Variants in SBSPON observed in about 807,000 individuals in gnomAD.
The protein encoded by SBSPON is somatomedin-B and thrombospondin type-1 domain-containing protein.
SBSPON carries 30 observed loss-of-function variants against 35.8 expected under a neutral mutation model. The ratio of observed to expected loss-of-function variants is 0.84; its 90% confidence interval spans 0.63 to 1.14. The LOEUF (loss-of-function observed/expected upper bound fraction) is 1.14. Ranked by LOEUF, SBSPON falls within the 50% of genes most tolerant of loss-of-function variation. The pLI, the probability that SBSPON is intolerant of heterozygous loss-of-function variation, is 0.00. For missense variants in SBSPON, 364 were observed against 357.7 expected (o/e 1.02, Z -0.14); for synonymous variants, 136 against 135.9 (o/e 1.00, Z 0.00).
intron 1 of SBSPON, among the ~76,000 whole-genome samples, chr8:73,092,254 A>G (rs987395120): frequency 6.6e-6 from 1 of 152,354 alleles, no homozygotes; most frequent in Middle Eastern, 3.4e-3. Flanking sequence ...TTCCAAGAAC[A>G]TACTGTACAC....
intron 4 of SBSPON, among the ~76,000 whole-genome samples, chr8:73,069,201 T>G (rs567739478): frequency 6.6e-6 from 1 of 152,316 alleles, no homozygotes; most frequent in African/African-American, 2.4e-5. Flanking sequence ...CACGAGATTC[T>G]GATTCTAGTG....
intron 1 of SBSPON, among the ~76,000 whole-genome samples, chr8:73,081,469 C>T (rs942873791): frequency 6.6e-6 from 1 of 152,088 alleles, no homozygotes; most frequent in African/African-American, 2.4e-5. Context: ...TGGGTCTGAT[C>T]CAGGGAAACA....
chr8:73,081,799 T>G (rs568211918), intron 1 of SBSPON, among the ~76,000 whole-genome samples: 6 of 152,308 alleles, frequency 3.9e-5, no homozygotes, highest in African/African-American at 1.4e-4. Flanking sequence ...TTTACTCTAT[T>G]TTCTTTCTCC....
chr8:73,068,154 T>G (rs1390188194), intron 4 of SBSPON, among the ~76,000 whole-genome samples: 1 of 152,186 alleles, frequency 6.6e-6, no homozygotes, highest in Non-Finnish European at 1.5e-5. Context: ...AATTATTATT[T>G]TTAAAGTCAC....
chr8:73,077,818 G>A (rs1810620286), intron 2 of SBSPON, among the ~76,000 whole-genome samples: 1 of 152,084 alleles, frequency 6.6e-6, no homozygotes, highest in South Asian at 2.1e-4. Context: ...CATAGAAAAG[G>A]GGATCATATG....
intron 1 of SBSPON, among the ~76,000 whole-genome samples, chr8:73,084,981 G>A (rs57930383): frequency 0.086 from 13,076 of 152,170 alleles, 840 homozygotes; most frequent in Admixed American, 0.19. Context: ...GAATGAAATG[G>A]CATTGGGCAT....
chr8:73,093,010 C>T lies in SBSPON; in HGVS notation c.58G>A (p.Ala20Thr), dbSNP rs1810967060. 2.7e-6 allele frequency: 4 copies of T among 1,456,964 alleles called. No individual in the cohort carries two copies. Among genetic ancestry groups the T allele is most frequent in the African/African-American group, 1.5e-5 (1 of 66,584 alleles). The allele number at this position is 1,456,964 out of a possible 1,614,324, so 90.3% of individuals were successfully genotyped here. ...ALSRLWPGAQ[A>T]GCAEAGRCCP... ...CAGCGCCCGGCCTCGGCGCAGCCGG[C>T]CTGGGCCCCGGGCCACAGCCGCGAC... The change falls in exon 1 of 5, where the codon GCC (alanine) becomes ACC (threonine). Residue 20 changes from alanine to threonine, a missense_variant. Ala to Thr is a moderately conservative substitution (Grantham distance 58). Coordinates refer to ENST00000297354, the MANE Select transcript of SBSPON (RefSeq NM_153225.4).
At position 73,092,882 on chromosome 8, in the gene SBSPON, G is replaced by A; in HGVS notation, c.186C>T (p.Cys62=). The part of the protein sequence containing the change: ...CDQACRFTGD[C]CFDYDRACPA... ...GGCACGCCCTGTCGTAGTCGAAGCAGCAGTCCCCGGTGAAGCGACAGGCTT... is the reference window on the plus strand; with the variant it reads ...GGCACGCCCTGTCGTAGTCGAAGCAACAGTCCCCGGTGAAGCGACAGGCTT... Residue 62 remains cysteine (C), a synonymous_variant, in exon 1 of 5, where the codon TGC becomes TGT. Coordinates refer to ENST00000297354, the MANE Select transcript of SBSPON (RefSeq NM_153225.4). The A allele has an allele frequency of 6.2e-7, 1 of 1,611,886 alleles. No homozygotes were observed. The highest frequency in any genetic ancestry group is 1.3e-5 in the African/African-American group (1 of 74,888).
chr8:73,083,252 G>T (rs115573355), intron 1 of SBSPON, among the ~76,000 whole-genome samples: 228 of 152,226 alleles, frequency 1.5e-3, no homozygotes, highest in African/African-American at 5.2e-3. Flanking sequence ...TCCAATCCAT[G>T]ATTTTAAAAG....
At chr8:73,076,989 C>T (rs752574088) in intron 2 of SBSPON, among the ~76,000 whole-genome samples, 2 of 152,182 alleles carry the variant, frequency 1.3e-5, no homozygotes. Context: ...TCACTGCAAC[C>T]TCCACCTCCC....
intron 2 of SBSPON, among the ~76,000 whole-genome samples, chr8:73,078,396 C>G (rs1810633801): frequency 6.6e-6 from 1 of 152,204 alleles, no homozygotes; most frequent in African/African-American, 2.4e-5. Context: ...GATTTCTCCT[C>G]TCTTCCCAAG....
intron 4 of SBSPON, among the ~76,000 whole-genome samples, chr8:73,068,953 T>C (rs1415427040): frequency 6.6e-6 from 1 of 152,224 alleles, no homozygotes; most frequent in Non-Finnish European, 1.5e-5. Flanking sequence ...AAAGTTTTGT[T>C]AGAACAAATC....
At chr8:73,078,816 T>C (rs1418945632) in intron 2 of SBSPON, among the ~76,000 whole-genome samples, 1 of 152,090 alleles carries the variant, frequency 6.6e-6, no homozygotes, top group Non-Finnish European at 1.5e-5. Flanking sequence ...ACCGTATCAA[T>C]GGGGGAACAA....
intron 3 of SBSPON, among the ~76,000 whole-genome samples, 172 bp from the exon 4 acceptor site, chr8:73,070,153 G>A (rs1294936854): frequency 6.6e-6 from 1 of 152,146 alleles, no homozygotes; most frequent in Non-Finnish European, 1.5e-5. Flanking sequence ...ATTCCCTGAA[G>A]CATGGTGAAA....
intron 1 of SBSPON, among the ~76,000 whole-genome samples, chr8:73,082,480 A>G (rs576349192): frequency 1.3e-5 from 2 of 152,322 alleles, no homozygotes; most frequent in South Asian, 2.1e-4. Flanking sequence ...GTGCATAGCT[A>G]CCCCTGACAT....
intron 1 of SBSPON, among the ~76,000 whole-genome samples, chr8:73,089,173 T>A (rs1810887752): frequency 6.6e-6 from 1 of 152,222 alleles, no homozygotes; most frequent in African/African-American, 2.4e-5. Context: ...TGCCACCAAA[T>A]GAGTTATGAA....
At position 73,064,819 on chromosome 8, in the gene SBSPON, T is replaced by C. The variant is rs946868655; in HGVS notation, c.*2522A>G. 4 of 152,190 alleles carry C rather than the reference T, an allele frequency of 2.6e-5. No individual in the cohort carries two copies. Among genetic ancestry groups the C allele is most frequent in the Admixed American group, 2.0e-4 (3 of 15,280 alleles). 9.4% of individuals were successfully genotyped at this position (152,190 alleles called of 1,614,324 possible). On this transcript the variant is annotated 3_prime_UTR_variant, in exon 5 of 5. Coordinates refer to ENST00000297354, the MANE Select transcript of SBSPON (RefSeq NM_153225.4). ...GCCATTATCCCTTGCTTCTTTTCCC[T>C]TCTTTCCTGGTGGCTGTATTTATTT...
chr8:73,092,600 C>A (rs984471972), intron 1 of SBSPON, among the ~76,000 whole-genome samples: 3 of 152,102 alleles, frequency 2.0e-5, no homozygotes, highest in African/African-American at 7.2e-5. Flanking sequence ...TGGAGAACAG[C>A]GGGATCCAGC....
rs1810521007 is a variant in SBSPON at position 73,072,757 on chromosome 8, G to A, written c.410-887C>T. 2.0e-5 allele frequency among the ~76,000 whole-genome samples: 3 copies of A among 152,144 alleles called. No homozygotes were observed. In the South Asian group the frequency reaches 6.2e-4, roughly 32 times the overall value. On this transcript the variant is annotated intron_variant, in intron 2 of 4. Transcript: ENST00000297354. The stretch of plus-strand genomic sequence containing the variant: ...ACCACAGCAGGAAAAGTTCATGGAA[G>A]CTCTGCCCACCACATAGTATCAATG...
Sources: gnomAD v4.1 joint callset for allele counts (sites outside exome capture counted in the v4.1 genomes callset) on GRCh38, gnomAD v4.1.1 for gene constraint, MANE v1.5 for transcripts, NCBI Gene and HGNC (gene_info 2026-07-23, HGNC 2026-07-21) for gene names.